Variants in ATRN observed in about 807,000 individuals in gnomAD.
The protein encoded by ATRN is attractin-2.
A neutral mutation model predicts 178.7 loss-of-function variants in ATRN; 54 were observed. That is an observed-to-expected ratio of 0.30 (90% confidence interval 0.24 to 0.38). The LOEUF is 0.38. Among genes scored for constraint, ATRN ranks in the 10% least tolerant of loss-of-function variants. The probability of loss-of-function intolerance (pLI) is 1.00; values close to 1 mark genes in which losing one functional copy is unlikely to be tolerated. For synonymous variants in ATRN, 636 were observed against 663.0 expected (o/e 0.96, Z 0.63); for missense variants, 1,443 against 1,815.1 (o/e 0.79, Z 3.73).
At chr20:3,502,146 A>G (rs924440256) in intron 1 of ATRN, among the ~76,000 whole-genome samples, 3 of 152,196 alleles carry the variant, frequency 2.0e-5, no homozygotes, top group African/African-American at 4.8e-5. Flanking sequence ...CATGTAATAA[A>G]TATTTACATA....
intron 24 of ATRN, among the ~76,000 whole-genome samples, chr20:3,604,715 G>A (rs965731283): frequency 1.2e-4 from 19 of 152,236 alleles, no homozygotes; most frequent in African/African-American, 4.6e-4. Context: ...GGGAGACTAT[G>A]TTGAAGAACA....
chr20:3,572,032 A>T (rs2086133433), intron 11 of ATRN, among the ~76,000 whole-genome samples: 1 of 152,148 alleles, frequency 6.6e-6, no homozygotes, highest in Non-Finnish European at 1.5e-5. Context: ...CCATATGTTT[A>T]GTTATCTTGA....
chr20:3,566,056 GTCT>G (rs1203811580), intron 11 of ATRN, among the ~76,000 whole-genome samples: 1 of 152,172 alleles, frequency 6.6e-6, no homozygotes, highest in Non-Finnish European at 1.5e-5. Flanking sequence ...GCATGTCATT[GTCT>G]TATGTCCTTT....
chr20:3,584,830 G>T lies in ATRN; in HGVS notation c.3134G>T (p.Ser1045Ile). 1 of 1,614,202 alleles carries T rather than the reference G, an allele frequency of 6.2e-7. No homozygotes were observed. The change falls in exon 18 of 29, where the codon AGC (serine) becomes ATC (isoleucine). Residue 1045 changes from serine to isoleucine, a missense_variant. Ser to Ile is a moderately radical substitution (Grantham distance 142). Around this residue, in one of 4 missense-constraint regions of ATRN, gnomAD observed 80 missense variants for 71.5 expected, o/e 1.12. Coordinates refer to ENST00000262919, the MANE Select transcript of ATRN (RefSeq NM_139321.3). The stretch of plus-strand genomic sequence containing the variant: ...TATCCACAGCCCCTGCTCAATTCCA[G>T]CATGTGTCTAGAGGACAGCAGATAC... Reference protein sequence around the residue: ...NFYPQPLLNSSMCLEDSRYNW... With the variant: ...NFYPQPLLNSIMCLEDSRYNW...
At chr20:3,506,241 C>T (rs1045417846) in intron 1 of ATRN, among the ~76,000 whole-genome samples, 1 of 152,118 alleles carries the variant, frequency 6.6e-6, no homozygotes, top group East Asian at 1.9e-4. Context: ...CTGTATTGCT[C>T]CTTATAACTG....
chr20:3,534,260 G>A (rs1329990313), intron 1 of ATRN, among the ~76,000 whole-genome samples: 1 of 152,176 alleles, frequency 6.6e-6, no homozygotes, highest in East Asian at 1.9e-4. Flanking sequence ...TCTCCATGGG[G>A]CCAAAGTCTC....
chr20:3,526,780 T>C (rs535371663), intron 1 of ATRN, among the ~76,000 whole-genome samples: 15 of 152,164 alleles, frequency 9.9e-5, no homozygotes, highest in African/African-American at 3.4e-4. Context: ...ACGCCACACA[T>C]CTGCAACCAT....
intron 13 of ATRN, among the ~76,000 whole-genome samples, 176 bp from the exon 14 acceptor site, chr20:3,576,683 G>GTCTA (rs1436494969): frequency 4.2e-5 from 4 of 95,930 alleles, no homozygotes; most frequent in African/African-American, 1.5e-4. Flanking sequence ...CTATCTATCT[G>GTCTA]TCTGTCTGTC....
intron 1 of ATRN, among the ~76,000 whole-genome samples, chr20:3,521,647 A>G (rs1383524751): frequency 1.3e-5 from 2 of 152,258 alleles, no homozygotes; most frequent in Non-Finnish European, 1.5e-5. Flanking sequence ...TTAACTTGAC[A>G]TAATTGGTAC....
chr20:3,524,180 A>G (rs1187013226), intron 1 of ATRN, among the ~76,000 whole-genome samples: 10 of 151,916 alleles, frequency 6.6e-5, no homozygotes, highest in Non-Finnish European at 8.8e-5. Context: ...GTGCAAAGAC[A>G]CACATAGGCT....
Position 3,634,368 on chromosome 20 carries a change from T to G in ATRN, c.3921T>G (p.Cys1307Trp). Residue 1307 changes from cysteine to tryptophan, a missense_variant, in exon 26 of 29, where the codon TGT becomes TGG. Cys to Trp is a radical substitution (Grantham distance 215). Transcript: ENST00000262919. ...TGGTTTGGAAGATCAAACAAAGTTG[T>G]TGGGCCTCCAGACGTAGAGAGGTAA... Reference protein sequence around the residue: ...AAVVWKIKQSCWASRRREQLL... With the variant: ...AAVVWKIKQSWWASRRREQLL... 6.2e-7 allele frequency: 1 copy of G among 1,612,902 alleles called. No individual in the cohort carries two copies.
chr20:3,588,981 G>GTTTTTTTTTTTT (rs386393128), intron 18 of ATRN, among the ~76,000 whole-genome samples: 44 of 99,792 alleles, frequency 4.4e-4, no homozygotes, highest in Non-Finnish European at 5.5e-4. Context: ...ATTTTCTTTT[G>GTTTTTTTTTTTT]TTTTTTTTTT....
intron 1 of ATRN, chr20:3,490,722 G>T: frequency 1.3e-6 from 1 of 795,854 alleles, no homozygotes. Flanking sequence ...GATCTCATTT[G>T]GGTGCTTCTG....
intron 1 of ATRN, among the ~76,000 whole-genome samples, chr20:3,504,599 C>T (rs894622923): frequency 1.3e-5 from 2 of 149,974 alleles, no homozygotes; most frequent in East Asian, 1.9e-4. Context: ...GCAGGAGAAT[C>T]GCTTGAAGCT....
chr20:3,513,508 G>A (rs1568698738), intron 1 of ATRN, among the ~76,000 whole-genome samples: 1 of 152,186 alleles, frequency 6.6e-6, no homozygotes, highest in Non-Finnish European at 1.5e-5. Flanking sequence ...TTTGGTTACT[G>A]TAGCCTTGTA....
chr20:3,565,239 G>C, intron 10 of ATRN, 109 bp from the exon 11 acceptor site: 2 of 765,742 alleles, frequency 2.6e-6, no homozygotes. Flanking sequence ...AAATTGAGAG[G>C]CATGTTTTAT....
At chr20:3,474,708 A>AAAC (rs952914477) in intron 1 of ATRN, among the ~76,000 whole-genome samples, 32 of 150,706 alleles carry the variant, frequency 2.1e-4, no homozygotes, top group South Asian at 6.4e-4. Context: ...GTCCATCTCA[A>AAAC]AACAACAACA....
At chr20:3,589,433 G>GT (rs140504710) in intron 18 of ATRN, among the ~76,000 whole-genome samples, 97 of 145,962 alleles carry the variant, frequency 6.6e-4, no homozygotes, top group East Asian at 7.9e-4. Flanking sequence ...TATTGTGAGG[G>GT]TTTTTTTTTT....
In ATRN at chr20:3,471,380, G is replaced by A. The variant is rs1452916516; in HGVS notation, c.273G>A (p.Ser91=). 1.4e-5 allele frequency: 21 copies of A among 1,485,466 alleles called. No homozygotes were observed. The highest frequency in any genetic ancestry group is 1.9e-5 in the Non-Finnish European group (21 of 1,126,922). 92.0% of individuals were successfully genotyped at this position (1,485,466 alleles called of 1,614,324 possible). Reference sequence around the variant, plus strand: ...CCGCGGCGGCGGCGGCGGCGGTGTCGGGCTCAGCCGCAGCCGAGGCCAAGG... The same window carrying A: ...CCGCGGCGGCGGCGGCGGCGGTGTCAGGCTCAGCCGCAGCCGAGGCCAAGG... The part of the protein sequence containing the change: ...AEAAAAAAAV[S]GSAAAEAKEC... The change falls in exon 1 of 29, where the codon TCG becomes TCA. Residue 91 remains serine (S), a synonymous_variant. Coordinates refer to ENST00000262919, the MANE Select transcript of ATRN (RefSeq NM_139321.3).
Sources: gnomAD v4.1 joint callset for allele counts (sites outside exome capture counted in the v4.1 genomes callset) on GRCh38, gnomAD v4.1.1 for gene constraint, gnomAD v4.1.1 regional missense constraint, MANE v1.5 for transcripts, NCBI Gene and HGNC (gene_info 2026-07-23, HGNC 2026-07-21) for gene names.